The following VSNL1 variants were observed in gnomAD, a reference collection of about 807,000 sequenced individuals.
The protein encoded by VSNL1 is visinin-like protein 1.
In VSNL1, 6 loss-of-function variants were observed where a neutral mutation model predicts 20.4. The observed-to-expected ratio is 0.29, with a 90% CI of 0.16 to 0.58. VSNL1 has a LOEUF of 0.58. VSNL1 is among the 20% of genes least tolerant of loss of function. The probability of loss-of-function intolerance (pLI) is 0.90; values close to 1 mark genes in which losing one functional copy is unlikely to be tolerated. For synonymous variants in VSNL1, 93 were observed against 86.4 expected (o/e 1.08, Z -0.42); for missense variants, 100 against 234.5 (o/e 0.43, Z 3.75).
intron 1 of VSNL1, among the ~76,000 whole-genome samples, chr2:17,564,497 A>G (rs1663891677): frequency 6.6e-6 from 1 of 152,214 alleles, no homozygotes; most frequent in Non-Finnish European, 1.5e-5. Context: ...ACTACAAATG[A>G]TTATATCCTC....
At chr2:17,578,904 C>T (rs1426834879) in intron 1 of VSNL1, among the ~76,000 whole-genome samples, 2 of 152,160 alleles carry the variant, frequency 1.3e-5, no homozygotes, top group Non-Finnish European at 2.9e-5. Flanking sequence ...TTGGTAAATA[C>T]GTTCTTTCCA....
At chr2:17,594,771 A>G (rs1319225489) in intron 2 of VSNL1, among the ~76,000 whole-genome samples, 11 of 152,210 alleles carry the variant, frequency 7.2e-5, no homozygotes, top group Non-Finnish European at 1.5e-4. Flanking sequence ...ACAAGTTCTG[A>G]TGAGTGTTTA....
chr2:17,565,098 C>G (rs1663906294), intron 1 of VSNL1, among the ~76,000 whole-genome samples: 1 of 152,092 alleles, frequency 6.6e-6, no homozygotes, highest in South Asian at 2.1e-4. Flanking sequence ...AACATGATTA[C>G]TGTCTATGGT....
At chr2:17,637,229 G>T (rs1238183702) in intron 2 of VSNL1, among the ~76,000 whole-genome samples, 1 of 152,216 alleles carries the variant, frequency 6.6e-6, no homozygotes, top group South Asian at 2.1e-4. Flanking sequence ...AGGCTGCTCT[G>T]TGCTTTCCCT....
intron 2 of VSNL1, among the ~76,000 whole-genome samples, chr2:17,633,491 C>G (rs984501121): frequency 6.6e-6 from 1 of 151,670 alleles, no homozygotes; most frequent in South Asian, 2.1e-4. Context: ...TGCACTCCAG[C>G]CTGGGTGACA....
At chr2:17,617,495 TAA>T (rs113227311) in intron 2 of VSNL1, among the ~76,000 whole-genome samples, 2 of 144,854 alleles carry the variant, frequency 1.4e-5, no homozygotes, top group Admixed American at 6.9e-5. Flanking sequence ...GACTCTGTCT[TAA>T]AAAAAAAAAA....
chr2:17,639,014 C>G (rs1255081294), intron 2 of VSNL1, among the ~76,000 whole-genome samples: 1 of 152,182 alleles, frequency 6.6e-6, no homozygotes, highest in Non-Finnish European at 1.5e-5. Context: ...TGAGTTCTGA[C>G]TCTTGTTGCA....
At chr2:17,643,124 A>G (rs2103423835) in intron 2 of VSNL1, among the ~76,000 whole-genome samples, 1 of 152,300 alleles carries the variant, frequency 6.6e-6, no homozygotes, top group South Asian at 2.1e-4. Context: ...GGCAGAGACC[A>G]GACCTTCTAT....
chr2:17,608,990 A>T (rs1665018165), intron 2 of VSNL1, among the ~76,000 whole-genome samples: 1 of 152,148 alleles, frequency 6.6e-6, no homozygotes, highest in South Asian at 2.1e-4. Context: ...CTACATACAT[A>T]CATACACACA....
At chr2:17,629,223 A>G (rs1572209506) in intron 2 of VSNL1, among the ~76,000 whole-genome samples, 1 of 152,214 alleles carries the variant, frequency 6.6e-6, no homozygotes, top group African/African-American at 2.4e-5. Flanking sequence ...GCTCAAAGGC[A>G]GACACATCTG....
chr2:17,567,353 C>CTTTTTTTTTT lies in VSNL1; in HGVS notation c.-5-24702_-5-24693dup, dbSNP rs57144136. The CTTTTTTTTTT allele has an allele frequency of 2.4e-5, 2 of 84,554 alleles. 1 individual carries two copies. 5.2% of individuals were successfully genotyped at this position (84,554 alleles called of 1,614,324 possible). On this transcript the variant is annotated intron_variant, in intron 1 of 3. Coordinates refer to ENST00000295156, the MANE Select transcript of VSNL1 (RefSeq NM_003385.5). ...GTAAAGAGAGTCTCATAGAGTCTCA[C>CTTTTTTTTTT]TTTTTTTTTTTTTTTTTTTTTTTTA...
intron 1 of VSNL1, among the ~76,000 whole-genome samples, chr2:17,582,731 A>G (rs1572346332): frequency 6.6e-6 from 1 of 152,008 alleles, no homozygotes; most frequent in African/African-American, 2.4e-5. Flanking sequence ...TCATGTTTGC[A>G]TAGTATGTTG....
chr2:17,623,713 T>C (rs896045358), intron 2 of VSNL1, among the ~76,000 whole-genome samples: 1 of 144,992 alleles, frequency 6.9e-6, no homozygotes. Flanking sequence ...CCCTAGCATA[T>C]ATAAGAATGG....
chr2:17,552,214 A>AAC (rs1663559664), intron 1 of VSNL1, among the ~76,000 whole-genome samples: 1 of 148,248 alleles, frequency 6.7e-6, no homozygotes, highest in African/African-American at 2.5e-5. Context: ...AAAAAAAAAC[A>AAC]AAAAAAAACT....
chr2:17,622,251 C>T (rs548919576), intron 2 of VSNL1, among the ~76,000 whole-genome samples: 10 of 150,478 alleles, frequency 6.6e-5, no homozygotes, highest in African/African-American at 2.0e-4. Context: ...TGGTGCCTCA[C>T]GCGTGTAATC....
Position 17,649,442 on chromosome 2 carries a change from C to A in VSNL1, c.195C>A (p.Ala65=). Residue 65 remains alanine, a synonymous_variant, in exon 3 of 4, where the codon GCC becomes GCA. Coordinates refer to ENST00000295156, the MANE Select transcript of VSNL1 (RefSeq NM_003385.5). This position sits in a 1 kb window ranked among gnomAD's most constrained non-coding sequence, Gnocchi z 6.4. ...FFPYGDASKF[A]QHAFRTFDKN... is the part of the protein sequence containing the mutation. ...CTTATGGAGACGCCTCCAAGTTTGC[C>A]CAGCATGCCTTCCGAACCTTCGACA... 6.2e-7 allele frequency: 1 copy of A among 1,614,224 alleles called. No homozygotes were observed. The highest frequency in any genetic ancestry group is 1.1e-5 in the South Asian group (1 of 91,092).
rs114888442 is a variant in VSNL1, at chr2:17,572,064, G to T, written c.-5-20006G>T. On this transcript the variant is annotated intron_variant, in intron 1 of 3. Transcript: ENST00000295156. Reference sequence around the variant, plus strand: ...ATAAAGCTGGAGAGGTAGAAAGAACGTGCACCCTGATTTTCTTAAGGTAGT... The same window carrying T: ...ATAAAGCTGGAGAGGTAGAAAGAACTTGCACCCTGATTTTCTTAAGGTAGT... 3.9e-3 allele frequency among the ~76,000 whole-genome samples: 590 copies of T among 152,286 alleles called. 2 individuals are homozygous for T. The highest frequency in any genetic ancestry group is 0.014 in the Middle Eastern group (4 of 294).
intron 1 of VSNL1, among the ~76,000 whole-genome samples, chr2:17,584,412 A>G (rs979208037): frequency 1.3e-5 from 2 of 152,104 alleles, no homozygotes; most frequent in African/African-American, 4.8e-5. Flanking sequence ...TCTGACCCCC[A>G]AGGGTCAGAT....
rs570535676 is a variant in VSNL1, at chr2:17,620,768, C to CA, written c.162+28541dup. 7.3e-5 allele frequency among the ~76,000 whole-genome samples: 11 copies of CA among 151,140 alleles called. No homozygotes were observed. In the Middle Eastern group the frequency reaches 0.01, roughly 141 times the overall value. ...AAATAAAAGAGGGTATAATATAGTA[C>CA]AAAAAAAAATTGCAAAGATCATACA... On this transcript the variant is annotated intron_variant, in intron 2 of 3. Coordinates refer to ENST00000295156, the MANE Select transcript of VSNL1 (RefSeq NM_003385.5).
Sources: gnomAD v4.1 joint callset for allele counts (sites outside exome capture counted in the v4.1 genomes callset) on GRCh38, gnomAD v4.1.1 for gene constraint, Gnocchi (gnomAD v3.1) non-coding constraint, MANE v1.5 for transcripts, NCBI Gene and HGNC (gene_info 2026-07-23, HGNC 2026-07-21) for gene names.